Variants in COG3 observed in about 807,000 individuals in gnomAD.
COG3 encodes component of oligomeric golgi complex 3.
A neutral mutation model predicts 114.1 loss-of-function variants in COG3; 32 were observed. That is an observed-to-expected ratio of 0.28 (90% CI 0.21 to 0.38). COG3 has a LOEUF of 0.38. COG3 is among the 10% of genes least tolerant of loss of function. The probability of loss-of-function intolerance (pLI) is 1.00; values close to 1 mark genes in which losing one functional copy is unlikely to be tolerated. For missense variants in COG3, 813 were observed against 973.2 expected, an observed-to-expected ratio of 0.84 and a Z score of 2.19; for synonymous variants, 352 against 365.7, an observed-to-expected ratio of 0.96 and a Z score of 0.43.
In COG3 at chr13:45,476,749, G is replaced by A. The variant is rs370551631; in HGVS notation, c.321+402G>A. 3.9e-5 allele frequency among the ~76,000 whole-genome samples: 6 copies of A among 152,114 alleles called. No homozygotes were observed. In the South Asian group the frequency reaches 1.2e-3, roughly 32 times the overall value. On this transcript the variant is annotated intron_variant, in intron 2 of 22. Transcript: ENST00000349995. ...TATTCTTTTTATATTAACATTTGTA[G>A]TTATTTTTCAGTAATTTAGCATGTG... is the stretch of plus-strand genomic sequence containing the variant.
At chr13:45,478,960 T>G in intron 2 of COG3, 45 bp from the exon 3 acceptor site, 1 of 1,383,242 alleles carries the variant, frequency 7.2e-7, no homozygotes, top group Non-Finnish European at 1.0e-6. Context: ...CTTTTAATTT[T>G]GTCAGTTTTA....
chr13:45,478,284 C>T (rs949466819), intron 2 of COG3, among the ~76,000 whole-genome samples: 2 of 150,866 alleles, frequency 1.3e-5, no homozygotes, highest in Non-Finnish European at 3.0e-5. Flanking sequence ...CTCTGCCTCC[C>T]GGGTTCATGC....
At chr13:45,491,007 A>T in intron 9 of COG3, 49 bp downstream of exon 9, 1 of 1,248,576 alleles carries the variant, frequency 8.0e-7, no homozygotes, top group Non-Finnish European at 1.2e-6. Flanking sequence ...TTTGTCTTGT[A>T]GTACTGTTTT....
chr13:45,532,459 G>A (rs1873235181), intron 22 of COG3, among the ~76,000 whole-genome samples: 1 of 151,248 alleles, frequency 6.6e-6, no homozygotes, highest in African/African-American at 2.4e-5. Context: ...AGAACAAGGT[G>A]CATTTGGAGA....
intron 1 of COG3, among the ~76,000 whole-genome samples, chr13:45,473,137 G>T (rs1367628307): frequency 6.6e-6 from 1 of 152,168 alleles, no homozygotes; most frequent in Non-Finnish European, 1.5e-5. Flanking sequence ...CCAAAGTGCT[G>T]GGATTACAGG....
chr13:45,506,857 G>A (rs887731050), intron 14 of COG3, among the ~76,000 whole-genome samples: 3 of 152,226 alleles, frequency 2.0e-5, no homozygotes, highest in African/African-American at 7.2e-5. Flanking sequence ...TGGCATACAA[G>A]GAGGTGTCAG....
At chr13:45,516,286 A>G (rs761407828) in intron 17 of COG3, 23 bp downstream of exon 17, 21 of 1,557,814 alleles carry the variant, frequency 1.3e-5, no homozygotes, top group Middle Eastern at 3.4e-4. Flanking sequence ...CCTGGCTGGC[A>G]CACTTGGGTG....
At chr13:45,490,116 T>C (rs1339985030) in intron 8 of COG3, among the ~76,000 whole-genome samples, 1 of 152,150 alleles carries the variant, frequency 6.6e-6, no homozygotes, top group Admixed American at 6.5e-5. Context: ...TATATGCAAG[T>C]TAAGGCTGGG....
rs758084707 is a variant in COG3, at chr13:45,491,553, G to A, written c.1095+15G>A. On this transcript the variant is annotated intron_variant, in intron 10 of 22. Coordinates refer to ENST00000349995, the MANE Select transcript of COG3 (RefSeq NM_031431.4). Reference sequence around the variant, plus strand: ...ACTGTGCCTTGGTAAGTTTCTACTTGTTTTGGTTTAATGTTAAATCTTCCT... The same window carrying A: ...ACTGTGCCTTGGTAAGTTTCTACTTATTTTGGTTTAATGTTAAATCTTCCT... 1 of 1,605,998 alleles carries A rather than the reference G, an allele frequency of 6.2e-7. No individual in the cohort carries two copies. Among genetic ancestry groups the A allele is most frequent in the Non-Finnish European group, 8.5e-7 (1 of 1,177,270 alleles).
At chr13:45,511,931 A>G (rs1030345675) in intron 16 of COG3, 77 bp downstream of exon 16, 13 of 1,119,746 alleles carry the variant, frequency 1.2e-5, no homozygotes, top group Non-Finnish European at 1.8e-5. Context: ...TAGGCACAGA[A>G]GTTTAAAGCT....
chr13:45,524,512 T>G (rs946467637), intron 19 of COG3, among the ~76,000 whole-genome samples: 2 of 152,236 alleles, frequency 1.3e-5, no homozygotes, highest in African/African-American at 4.8e-5. Context: ...TTTAATGACA[T>G]TCTCTCTGCC....
At chr13:45,486,138 C>T (rs3928767) in intron 7 of COG3, among the ~76,000 whole-genome samples, 92,178 of 129,672 alleles carry the variant, frequency 0.71, 33,304 homozygotes, top group Middle Eastern at 0.8. Flanking sequence ...AGCGAAACCC[C>T]GTCTCCACCA....
In COG3 at chr13:45,535,879, CA is replaced by C. The variant is rs1226286369; in HGVS notation, c.*1153del. 7.1e-6 allele frequency: 7 copies of C among 987,390 alleles called. No homozygotes were observed. The highest frequency in any genetic ancestry group is 8.4e-6 in the Non-Finnish European group (7 of 830,068). The allele number at this position is 987,390 out of a possible 1,614,324, so 61.2% of individuals were successfully genotyped here. A position where few individuals can be genotyped will look rare whatever the true frequency, so the allele number is the denominator to read the frequency against. On this transcript the variant is annotated 3_prime_UTR_variant, in exon 23 of 23. Transcript: ENST00000349995. ...TGTTAAGGCAGCCAGCTTCTTAGTT[CA>C]AAAAGAATTCTGAGTTTTTCAAACA...
At chr13:45,527,919 C>A (rs1027564745) in intron 20 of COG3, among the ~76,000 whole-genome samples, 2 of 152,140 alleles carry the variant, frequency 1.3e-5, no homozygotes, top group Non-Finnish European at 2.9e-5. Flanking sequence ...ACCAGAGCAA[C>A]TCCATCTCGA....
intron 7 of COG3, among the ~76,000 whole-genome samples, chr13:45,483,980 G>A (rs1322669604): frequency 1.3e-5 from 2 of 152,088 alleles, no homozygotes; most frequent in Admixed American, 6.5e-5. Context: ...AGTTAATTAT[G>A]GATTGTAGTT....
intron 20 of COG3, 67 bp from the exon 21 acceptor site, chr13:45,529,724 T>G: frequency 1.6e-6 from 2 of 1,272,244 alleles, no homozygotes; most frequent in Admixed American, 2.3e-5. Flanking sequence ...TTATTCCCCT[T>G]TGAATTAAAA....
chr13:45,491,284 T>C, intron 9 of COG3, 128 bp from the exon 10 acceptor site: 1 of 838,232 alleles, frequency 1.2e-6, no homozygotes, highest in Non-Finnish European at 1.8e-6. Flanking sequence ...ATTAAATAGT[T>C]AATGTGGGCA....
In COG3 at chr13:45,465,145, G is replaced by A. The variant is rs755933277; in HGVS notation, c.109G>A (p.Asp37Asn). ...RRPDTTAPLT[D>N]RQTDSVLELK... ...ACCGGACACGACGGCGCCGCTGACC[G>A]ACAGGCAGACGGACTCGGTATTGGA... Residue 37 changes from aspartate to asparagine, a missense_variant, in exon 1 of 23, where the codon GAC (aspartate) becomes AAC (asparagine). Physicochemically the swap from Asp to Asn is conservative, Grantham distance 23. Around this residue, in one of 2 missense-constraint regions of COG3, gnomAD observed 424 missense variants for 430.6 expected, o/e 0.98. Transcript: ENST00000349995. 3 of 1,613,482 alleles carry A rather than the reference G, an allele frequency of 1.9e-6. No homozygotes were observed. The highest frequency in any genetic ancestry group is 4.5e-5 in the East Asian group (2 of 44,866).
At chr13:45,492,683 G>C (rs575346451) in intron 11 of COG3, among the ~76,000 whole-genome samples, 7 of 151,876 alleles carry the variant, frequency 4.6e-5, no homozygotes, top group Non-Finnish European at 1.0e-4. Flanking sequence ...AGTCACTTTT[G>C]GTTTCTTAAT....
Sources: allele counts gnomAD v4.1 joint callset (sites outside exome capture counted in the v4.1 genomes callset), GRCh38; gene constraint gnomAD v4.1.1; regional missense constraint gnomAD v4.1.1; transcripts MANE v1.5; gene names NCBI Gene and HGNC (gene_info 2026-07-23, HGNC 2026-07-21).